Variants in NUGGC observed in about 807,000 individuals in gnomAD.
NUGGC encodes the protein nuclear GTPase, germinal center associated.
Under a neutral mutation model 92.6 loss-of-function variants are expected in NUGGC, and 58 were observed. The observed-to-expected ratio is 0.63, with a 90% CI of 0.51 to 0.78. The LOEUF (loss-of-function observed/expected upper bound fraction) is 0.78, where lower values mean the gene tolerates loss of function less well. Ranked by LOEUF, NUGGC falls within the 30% of genes least tolerant of loss-of-function variation. The probability of loss-of-function intolerance (pLI) is 0.00; values close to 1 mark genes in which losing one functional copy is unlikely to be tolerated. For missense variants in NUGGC, 925 were observed against 964.6 expected, an observed-to-expected ratio of 0.96 and a Z score of 0.54; for synonymous variants, 376 against 366.4, an observed-to-expected ratio of 1.03 and a Z score of -0.30.
At chr8:28,082,790 C>G (rs1276281261) in intron 1 of NUGGC, among the ~76,000 whole-genome samples, 1 of 151,992 alleles carries the variant, frequency 6.6e-6, no homozygotes, top group African/African-American at 2.4e-5. Flanking sequence ...TCTGTAGTCC[C>G]AGTTATTCAG....
chr8:28,070,340 A>G lies in NUGGC; in HGVS notation c.60T>C (p.Tyr20=), dbSNP rs1223608843. ...QEPHPVEDDL[Y]KERTRKRRKS... is the part of the protein sequence containing the mutation. ...TCCTTCTTTTTCTCGTTCGTTCTTT[A>G]TATAAATCATCTTCAACTAGAGATA... Residue 20 remains tyrosine (Y), a synonymous_variant, in exon 3 of 19, where the codon TAT becomes TAC. Transcript: ENST00000413272. The G allele has an allele frequency of 4.6e-6, 7 of 1,523,290 alleles. No individual in the cohort carries two copies. In the South Asian group the frequency reaches 7.2e-5, roughly 16 times the overall value. 94.4% of individuals were successfully genotyped at this position (1,523,290 alleles called of 1,614,324 possible). A position where few individuals can be genotyped will look rare whatever the true frequency, so the allele number is the denominator to read the frequency against.
At chr8:28,069,752 A>T (rs1810539295) in intron 3 of NUGGC, 100 bp from the exon 4 acceptor site, 4 of 750,314 alleles carry the variant, frequency 5.3e-6, no homozygotes, top group Admixed American at 2.1e-5. Flanking sequence ...GAAGGGAAAA[A>T]AAAAATGAAA....
rs1199664596 is a variant in NUGGC at position 28,023,060 on chromosome 8, ACT to A, written c.*255_*256del. ...ATTCCAGCCTGGGTGACACAGCGAG[ACT>A]CTGTCTCAAAAAAAAAAAAAAAAAA... On this transcript the variant is annotated 3_prime_UTR_variant, in exon 19 of 19. Coordinates refer to ENST00000413272, the MANE Select transcript of NUGGC (RefSeq NM_001010906.2). The A allele has an allele frequency of 2.6e-5, 8 of 306,206 alleles. No individual in the cohort carries two copies. Among genetic ancestry groups the A allele is most frequent in the South Asian group, 8.0e-5 (1 of 12,536 alleles). The allele number at this position is 306,206 out of a possible 1,614,324, so 19.0% of individuals were successfully genotyped here. A position where few individuals can be genotyped will look rare whatever the true frequency, so the allele number is the denominator to read the frequency against.
chr8:28,036,291 C>A (rs1031351368), intron 13 of NUGGC, among the ~76,000 whole-genome samples: 17 of 152,320 alleles, frequency 1.1e-4, no homozygotes, highest in African/African-American at 3.8e-4. Flanking sequence ...TCTGCTACCT[C>A]TCAGGCTTTT....
intron 11 of NUGGC, among the ~76,000 whole-genome samples, chr8:28,046,002 C>T (rs1358738502): frequency 6.6e-6 from 1 of 152,110 alleles, no homozygotes; most frequent in African/African-American, 2.4e-5. Flanking sequence ...TTCTAGAGTC[C>T]CAGCCCTTCA....
At chr8:28,073,789 G>A (rs541086471) in intron 2 of NUGGC, among the ~76,000 whole-genome samples, 6 of 152,228 alleles carry the variant, frequency 3.9e-5, no homozygotes, top group African/African-American at 1.4e-4. Flanking sequence ...GAGAGTCCAA[G>A]CTGACTTTCT....
intron 10 of NUGGC, among the ~76,000 whole-genome samples, chr8:28,049,371 A>G (rs1213168817): frequency 2.0e-5 from 3 of 152,214 alleles, no homozygotes; most frequent in Non-Finnish European, 4.4e-5. Context: ...TGGGAGATGA[A>G]ATTAATGTAG....
rs1809130440 is a variant in NUGGC at position 28,022,092 on chromosome 8, C to T, written c.*1225G>A. On this transcript the variant is annotated 3_prime_UTR_variant, in exon 19 of 19. Coordinates refer to ENST00000413272, the MANE Select transcript of NUGGC (RefSeq NM_001010906.2). The stretch of plus-strand genomic sequence containing the variant: ...TGTTTTATATCGTGCAATGTTTTTT[C>T]TATAATGTTTAAGTTTTTTTATGTA... 1 of 140,624 alleles carries T rather than the reference C, an allele frequency of 7.1e-6. No individual in the cohort carries two copies. Among genetic ancestry groups the T allele is most frequent in the Non-Finnish European group, 1.6e-5 (1 of 63,942 alleles). 8.7% of individuals were successfully genotyped at this position (140,624 alleles called of 1,614,324 possible).
intron 1 of NUGGC, among the ~76,000 whole-genome samples, chr8:28,075,184 C>A (rs891788371): frequency 3.3e-5 from 5 of 152,102 alleles, no homozygotes; most frequent in African/African-American, 7.2e-5. Context: ...CCTGGAGTTG[C>A]TTTGGGGGGC....
chr8:28,041,912 C>T (rs1809709472), intron 12 of NUGGC, among the ~76,000 whole-genome samples: 1 of 151,972 alleles, frequency 6.6e-6, no homozygotes, highest in African/African-American at 2.4e-5. Context: ...TGCTGTGTAC[C>T]CACCCAAATA....
At chr8:28,055,904 T>C in intron 10 of NUGGC, 61 bp downstream of exon 10, 1 of 917,252 alleles carries the variant, frequency 1.1e-6, no homozygotes, top group South Asian at 1.5e-5. Flanking sequence ...GGCATACATT[T>C]GTCTCCCAAA....
intron 13 of NUGGC, among the ~76,000 whole-genome samples, chr8:28,034,271 A>G (rs1032834456): frequency 3.3e-5 from 5 of 152,262 alleles, no homozygotes; most frequent in African/African-American, 1.2e-4. Context: ...AAATACATAA[A>G]TGAGAGGAAA....
intron 14 of NUGGC, 131 bp downstream of exon 14, chr8:28,033,409 A>G: frequency 1.2e-5 from 10 of 840,096 alleles, no homozygotes; most frequent in Non-Finnish European, 1.8e-5. Flanking sequence ...TGTTTTGCCA[A>G]GGACTAAGGT....
chr8:28,069,738 C>A (rs1169856388), intron 3 of NUGGC, 86 bp from the exon 4 acceptor site: 3 of 778,166 alleles, frequency 3.9e-6, no homozygotes, highest in Admixed American at 4.0e-5. Flanking sequence ...TTGAACATCG[C>A]AGAGAAGGGA....
At chr8:28,044,360 C>T (rs886815261) in intron 12 of NUGGC, among the ~76,000 whole-genome samples, 2 of 152,212 alleles carry the variant, frequency 1.3e-5, no homozygotes, top group Middle Eastern at 3.2e-3. Context: ...CAGCTCACTA[C>T]AGCAACAGAG....
chr8:28,051,993 C>T (rs771057241), intron 10 of NUGGC, among the ~76,000 whole-genome samples: 39 of 151,940 alleles, frequency 2.6e-4, no homozygotes, highest in Non-Finnish European at 4.9e-4. Context: ...AAGGGAAGGT[C>T]AAGTGAACCA....
Position 28,064,590 on chromosome 8 carries a change from C to G in NUGGC, c.853G>C (p.Gly285Arg). The part of the protein sequence containing the change: ...TLPKSDLIPE[G>R]VVLVDIPGTG... ...CCTGGGATGTCCACCAGCACGACCCCTTCTGGGATCAGGTCGGATTTGGGA... is the reference window on the plus strand; with the variant it reads ...CCTGGGATGTCCACCAGCACGACCCGTTCTGGGATCAGGTCGGATTTGGGA... Residue 285 changes from glycine (G) to arginine (R), a missense_variant, in exon 7 of 19, where the codon GGG becomes CGG. By Grantham distance (125) the Gly-to-Arg change is moderately radical. Coordinates refer to ENST00000413272, the MANE Select transcript of NUGGC (RefSeq NM_001010906.2). 1 of 1,614,054 alleles carries G rather than the reference C, an allele frequency of 6.2e-7. No individual in the cohort carries two copies. The highest frequency in any genetic ancestry group is 1.1e-5 in the South Asian group (1 of 91,088).
At chr8:28,050,340 G>A (rs541749665) in intron 10 of NUGGC, among the ~76,000 whole-genome samples, 3 of 151,400 alleles carry the variant, frequency 2.0e-5, no homozygotes, top group South Asian at 2.1e-4. Context: ...AGCCAAGATC[G>A]TGCCATTACA....
At chr8:28,078,301 T>C (rs1418823409) in intron 1 of NUGGC, among the ~76,000 whole-genome samples, 2 of 152,118 alleles carry the variant, frequency 1.3e-5, no homozygotes, top group Non-Finnish European at 2.9e-5. Context: ...ACAAAAACAC[T>C]AGCAAATGGA....
Sources: allele counts gnomAD v4.1 joint callset (sites outside exome capture counted in the v4.1 genomes callset), GRCh38; gene constraint gnomAD v4.1.1; transcripts MANE v1.5; gene names NCBI Gene and HGNC (gene_info 2026-07-23, HGNC 2026-07-21).